Variants in ATG10 observed in about 807,000 individuals in gnomAD.
ATG10 encodes the protein ubiquitin-like-conjugating enzyme ATG10.
Under a neutral mutation model 32.1 loss-of-function variants are expected in ATG10, and 30 were observed. That is an observed-to-expected ratio of 0.94 (90% CI 0.70 to 1.27). The LOEUF (loss-of-function observed/expected upper bound fraction) is 1.27. ATG10 is among the 50% of genes most tolerant of loss of function. The pLI is 0.00. For synonymous variants in ATG10, 87 were observed against 91.5 expected, an observed-to-expected ratio of 0.95 and a Z score of 0.28; for missense variants, 233 against 262.3, an observed-to-expected ratio of 0.89 and a Z score of 0.77.
chr5:82,018,142 C>T (rs775248493), intron 2 of ATG10, among the ~76,000 whole-genome samples: 3 of 152,158 alleles, frequency 2.0e-5, no homozygotes, highest in Non-Finnish European at 4.4e-5. Context: ...GAATTAAACT[C>T]CTAGTCTCCC....
At chr5:82,022,058 G>A (rs533795457) in intron 2 of ATG10, among the ~76,000 whole-genome samples, 3 of 149,522 alleles carry the variant, frequency 2.0e-5, no homozygotes, top group African/African-American at 4.9e-5. Context: ...GCGTGGTGGC[G>A]CATGCCTGTA....
intron 3 of ATG10, among the ~76,000 whole-genome samples, chr5:82,149,427 C>T (rs889315027): frequency 1.3e-4 from 20 of 152,130 alleles, no homozygotes; most frequent in African/African-American, 4.8e-4. Context: ...GGACCCCAAA[C>T]AGAACTTGGA....
chr5:82,106,378 A>G (rs539079672), intron 3 of ATG10, among the ~76,000 whole-genome samples: 1 of 152,218 alleles, frequency 6.6e-6, no homozygotes, highest in East Asian at 1.9e-4. Flanking sequence ...CTCTAGTGGT[A>G]TGAAGCCGTA....
At chr5:82,218,486 C>T (rs773446107) in intron 5 of ATG10, among the ~76,000 whole-genome samples, 6 of 152,050 alleles carry the variant, frequency 3.9e-5, no homozygotes, top group Admixed American at 1.3e-4. Context: ...AGCAGCCAGG[C>T]GGGAGTGGTG....
chr5:82,066,783 A>G (rs1763956724), intron 3 of ATG10, among the ~76,000 whole-genome samples: 1 of 152,140 alleles, frequency 6.6e-6, no homozygotes, highest in Non-Finnish European at 1.5e-5. Context: ...TTATATGTCC[A>G]AAATAGACTC....
chr5:81,980,641 TTA>T (rs748394377), intron 1 of ATG10, among the ~76,000 whole-genome samples: 1 of 152,082 alleles, frequency 6.6e-6, no homozygotes, highest in Non-Finnish European at 1.5e-5. Flanking sequence ...TTGAAATAAT[TTA>T]TAGTTTTTTT....
At chr5:82,213,047 G>A (rs894435846) in intron 5 of ATG10, among the ~76,000 whole-genome samples, 1 of 152,044 alleles carries the variant, frequency 6.6e-6, no homozygotes, top group Non-Finnish European at 1.5e-5. Flanking sequence ...TCTCCAAATC[G>A]TTACCAAGCC....
intron 2 of ATG10, among the ~76,000 whole-genome samples, chr5:82,001,228 A>G (rs1188762302): frequency 6.6e-6 from 1 of 152,220 alleles, no homozygotes; most frequent in African/African-American, 2.4e-5. Flanking sequence ...TACAGATTCA[A>G]TACTATTCCT....
At chr5:82,044,035 A>C (rs998975442) in intron 2 of ATG10, among the ~76,000 whole-genome samples, 1 of 151,950 alleles carries the variant, frequency 6.6e-6, no homozygotes, top group African/African-American at 2.4e-5. Flanking sequence ...CCAATTTTCT[A>C]TATTAGTCTG....
chr5:82,250,282 T>C (rs373086293), intron 5 of ATG10, among the ~76,000 whole-genome samples: 1 of 152,192 alleles, frequency 6.6e-6, no homozygotes, highest in African/African-American at 2.4e-5. Context: ...GTTGTTTTTT[T>C]CCTTGTCGTT....
chr5:82,142,935 A>T (rs1767210191), intron 3 of ATG10, among the ~76,000 whole-genome samples: 1 of 152,130 alleles, frequency 6.6e-6, no homozygotes, highest in African/African-American at 2.4e-5. Context: ...ATTGAGGAGG[A>T]CAAGTAGTTT....
intron 3 of ATG10, among the ~76,000 whole-genome samples, chr5:82,115,367 A>C (rs1395204501): frequency 6.6e-6 from 1 of 152,086 alleles, no homozygotes; most frequent in African/African-American, 2.4e-5. Context: ...TTAGGAAAAA[A>C]GTATTGGCTG....
intron 1 of ATG10, among the ~76,000 whole-genome samples, chr5:81,975,647 C>T (rs1009572744): frequency 6.6e-6 from 1 of 151,814 alleles, no homozygotes; most frequent in African/African-American, 2.4e-5. Context: ...GTATCACTGC[C>T]CTCCAACCTG....
intron 1 of ATG10, among the ~76,000 whole-genome samples, chr5:81,972,813 C>G (rs1760762869): frequency 6.6e-6 from 1 of 151,714 alleles, no homozygotes; most frequent in South Asian, 2.1e-4. Context: ...CGGGGAGGAC[C>G]GGAGAATGAT....
intron 1 of ATG10, among the ~76,000 whole-genome samples, chr5:81,985,812 T>C (rs1295015239): frequency 6.6e-6 from 1 of 152,168 alleles, no homozygotes; most frequent in Non-Finnish European, 1.5e-5. Context: ...GCCCAGGCTG[T>C]AGTGCAGTGG....
intron 4 of ATG10, among the ~76,000 whole-genome samples, chr5:82,173,064 T>C (rs1304339220): frequency 1.3e-5 from 2 of 152,204 alleles, no homozygotes; most frequent in Non-Finnish European, 2.9e-5. Context: ...GTGAAAAATC[T>C]ACTCTTTCCT....
intron 5 of ATG10, among the ~76,000 whole-genome samples, chr5:82,222,436 A>G (rs1346207030): frequency 1.3e-5 from 2 of 152,228 alleles, no homozygotes; most frequent in Non-Finnish European, 2.9e-5. Context: ...ACTATTTAGA[A>G]TAGATCCTAG....
At chr5:82,118,387 C>CATATATATATATAGATATATATATAT (rs1765904602) in intron 3 of ATG10, among the ~76,000 whole-genome samples, 1 of 80,734 alleles carries the variant, frequency 1.2e-5, no homozygotes, top group Non-Finnish European at 2.5e-5. Flanking sequence ...AATATATGTA[C>CATATATATATATAGATATATATATAT]ATATATATAT....
Position 82,221,720 on chromosome 5 carries a change from G to A in ATG10, c.454-30842G>A, listed in dbSNP as rs111445677. ...GTGATGCTGGCAATATAAGATATAG[G>A]CATGCAAAAATATATTTTGAAATGA... On this transcript the variant is annotated intron_variant, in intron 5 of 7. Transcript: ENST00000282185. 5.0e-4 allele frequency among the ~76,000 whole-genome samples: 76 copies of A among 152,286 alleles called. 1 individual carries two copies. The highest frequency in any genetic ancestry group is 1.7e-3 in the African/African-American group (69 of 41,554).
Sources: gnomAD v4.1 joint callset for allele counts (sites outside exome capture counted in the v4.1 genomes callset) on GRCh38, gnomAD v4.1.1 for gene constraint, MANE v1.5 for transcripts, NCBI Gene and HGNC (gene_info 2026-07-23, HGNC 2026-07-21) for gene names.